The following ABCA5 variants were observed in gnomAD, a reference collection of about 807,000 sequenced individuals.
ABCA5 encodes cholesterol transporter ABCA5.
In ABCA5, 163 loss-of-function variants were observed where a neutral mutation model predicts 206.0. That is an observed-to-expected ratio of 0.79 (90% CI 0.70 to 0.90). ABCA5 has a LOEUF of 0.90. Ranked by LOEUF, ABCA5 falls within the 40% of genes least tolerant of loss-of-function variation. The pLI, the probability that ABCA5 is intolerant of heterozygous loss-of-function variation, is 0.00. For missense variants in ABCA5, 1,859 were observed against 1,912.9 expected (o/e 0.97, Z 0.53); for synonymous variants, 609 against 613.8 (o/e 0.99, Z 0.11).
Position 69,244,899 on chromosome 17 carries a change from TAA to T in ABCA5, c.*2636_*2637del, listed in dbSNP as rs1221285011. The T allele has an allele frequency of 3.4e-5, 5 of 148,384 alleles. No individual in the cohort carries two copies. Among genetic ancestry groups the T allele is most frequent in the Admixed American group, 2.0e-4 (3 of 14,830 alleles). The allele number at this position is 148,384 out of a possible 1,614,324, so 9.2% of individuals were successfully genotyped here. A position where few individuals can be genotyped will look rare whatever the true frequency, so the allele number is the denominator to read the frequency against. On this transcript the variant is annotated 3_prime_UTR_variant, in exon 39 of 39. Transcript: ENST00000392676. Reference sequence around the variant, plus strand: ...TTATATAAAATAATAGCTAGTTATATAAGTTATATAAGTAATATATTATATAT... The same window carrying T: ...TTATATAAAATAATAGCTAGTTATATGTTATATAAGTAATATATTATATAT...
intron 8 of ABCA5, among the ~76,000 whole-genome samples, 156 bp downstream of exon 8, chr17:69,302,562 T>C (rs1440205696): frequency 6.6e-6 from 1 of 152,150 alleles, no homozygotes; most frequent in Non-Finnish European, 1.5e-5. Flanking sequence ...TAAATAAAAC[T>C]AGATATAAAA....
chr17:69,293,948 A>G (rs192991792), intron 11 of ABCA5, among the ~76,000 whole-genome samples: 112 of 151,910 alleles, frequency 7.4e-4, no homozygotes, highest in African/African-American at 2.6e-3. Context: ...AATGCTAAAC[A>G]TTCTACATTA....
chr17:69,325,840 A>G (rs2075893653), intron 1 of ABCA5: 1 of 152,048 alleles, frequency 6.6e-6, no homozygotes, highest in Non-Finnish European at 1.5e-5. Context: ...AAGACATGCA[A>G]TACACATGGA....
intron 23 of ABCA5, among the ~76,000 whole-genome samples, chr17:69,267,029 C>G (rs576688232): frequency 1.2e-4 from 18 of 151,970 alleles, no homozygotes; most frequent in African/African-American, 3.9e-4. Context: ...CATGCACCAC[C>G]ACGCCCTAAT....
chr17:69,292,366 T>A (rs914534181), intron 11 of ABCA5, among the ~76,000 whole-genome samples: 5 of 152,214 alleles, frequency 3.3e-5, no homozygotes, highest in African/African-American at 1.2e-4. Context: ...AGCATATTTT[T>A]TGATGCTAAA....
intron 14 of ABCA5, among the ~76,000 whole-genome samples, chr17:69,288,650 C>A (rs1341099215): frequency 6.6e-6 from 1 of 151,014 alleles, no homozygotes; most frequent in Non-Finnish European, 1.5e-5. Context: ...GGGAGGATCG[C>A]TTGAGGCCAG....
chr17:69,282,960 C>T (rs1023211056), intron 18 of ABCA5, among the ~76,000 whole-genome samples: 1 of 149,342 alleles, frequency 6.7e-6, no homozygotes, highest in Non-Finnish European at 1.5e-5. Flanking sequence ...ACCAGTATAA[C>T]CCAAATATCT....
At chr17:69,312,846 T>C (rs984363777) in intron 3 of ABCA5, among the ~76,000 whole-genome samples, 1 of 152,184 alleles carries the variant, frequency 6.6e-6, no homozygotes, top group Non-Finnish European at 1.5e-5. Flanking sequence ...AACTATTTTA[T>C]AAATGGTCTA....
At chr17:69,320,163 G>C (rs2075851061) in intron 1 of ABCA5, among the ~76,000 whole-genome samples, 1 of 152,044 alleles carries the variant, frequency 6.6e-6, no homozygotes, top group African/African-American at 2.4e-5. Context: ...ATCCTTAAAA[G>C]AGTAATAGAG....
In ABCA5 at chr17:69,306,931, C is replaced by A. The variant is rs766441037; in HGVS notation, c.582G>T (p.Trp194Cys). 2.6e-6 allele frequency: 4 copies of A among 1,553,636 alleles called. No individual in the cohort carries two copies. The highest frequency in any genetic ancestry group is 2.5e-5 in the South Asian group (2 of 79,948). ...CAGCTTTAGTTGACTCCAGCTCCTT[C>A]CAAAGAGAAACATTGGTCTTCAACT... is the stretch of plus-strand genomic sequence containing the variant. ...IIQLKTNVSLWKELESTKAVI... is the reference protein window; with the variant it reads ...IIQLKTNVSLCKELESTKAVI... Residue 194 changes from tryptophan to cysteine, a missense_variant, in exon 6 of 39, where the codon TGG becomes TGT. Physicochemically the swap from Trp to Cys is radical, Grantham distance 215. Transcript: ENST00000392676.
rs9905223 is a variant in ABCA5 at position 69,279,570 on chromosome 17, G to A, written c.2393-1728C>T. 2.2e-3 allele frequency among the ~76,000 whole-genome samples: 340 copies of A among 151,810 alleles called. 3 individuals are homozygous for A. The highest frequency in any genetic ancestry group is 7.6e-3 in the African/African-American group (313 of 41,408). ...ATGGAACCAAAAAAGAGCCCGCATC[G>A]CCAAGTCAATCCTAAGCCAAAAGAA... is the stretch of plus-strand genomic sequence containing the variant. On this transcript the variant is annotated intron_variant, in intron 18 of 38. Transcript: ENST00000392676.
At chr17:69,247,682 TC>T in intron 38 of ABCA5, 38 bp from the exon 39 acceptor site, 12 of 1,250,768 alleles carry the variant, frequency 9.6e-6, no homozygotes, top group Non-Finnish European at 1.3e-5. Flanking sequence ...GTATGCTGTA[TC>T]TCAAGTACCT....
chr17:69,321,579 A>T (rs894495726), intron 1 of ABCA5, among the ~76,000 whole-genome samples: 2 of 152,206 alleles, frequency 1.3e-5, no homozygotes, highest in African/African-American at 4.8e-5. Flanking sequence ...GTTTAAGTTT[A>T]ATTGCCTCTA....
In ABCA5 at chr17:69,267,565, G is replaced by A. The variant is rs112224318; in HGVS notation, c.3144+378C>T. ...CTCTGTTAAAGGATAAAAGGGACGG[G>A]CATGTTAGTTTGCCAGTTAAGAACA... is the stretch of plus-strand genomic sequence containing the variant. On this transcript the variant is annotated intron_variant, in intron 23 of 38. Transcript: ENST00000392676. Among the ~76,000 whole-genome samples the A allele has an allele frequency of 3.6e-3, 542 of 152,166 alleles. 4 individuals are homozygous for A. The highest frequency in any genetic ancestry group is 0.013 in the African/African-American group (520 of 41,516).
intron 18 of ABCA5, among the ~76,000 whole-genome samples, chr17:69,281,257 G>A (rs1209636577): frequency 6.6e-6 from 1 of 151,178 alleles, no homozygotes; most frequent in East Asian, 1.9e-4. Flanking sequence ...TAACTTTTGG[G>A]CCAATACATG....
chr17:69,251,987 C>T, intron 34 of ABCA5, 121 bp from the exon 35 acceptor site: 3 of 1,008,040 alleles, frequency 3.0e-6, no homozygotes, highest in South Asian at 3.1e-5. Flanking sequence ...ATATCAATTG[C>T]TATGGCTATT....
intron 5 of ABCA5, 151 bp downstream of exon 5, chr17:69,308,129 T>C (rs2075736508): frequency 1.3e-5 from 2 of 155,332 alleles, no homozygotes; most frequent in African/African-American, 5.7e-5. Context: ...TCAGAAAATA[T>C]GACTTTTTTA....
Position 69,290,012 on chromosome 17 carries a change from T to A in ABCA5, c.1632A>T (p.Arg544Ser), listed in dbSNP as rs764757678. The change falls in exon 13 of 39, where the codon AGA (arginine) becomes AGT (serine). Residue 544 changes from arginine to serine, a missense_variant. Physicochemically the swap from Arg to Ser is moderately radical, Grantham distance 110 (BLOSUM62 -1). Transcript: ENST00000392676. ...SDGFASIYGHRVSEIDEMFEA... is the reference protein window; with the variant it reads ...SDGFASIYGHSVSEIDEMFEA... Reference sequence around the variant, plus strand: ...CAAACATTTCATCTATTTCTGAGACTCTGTGTCCATATATAGATGCAAACC... The same window carrying A: ...CAAACATTTCATCTATTTCTGAGACACTGTGTCCATATATAGATGCAAACC... The A allele has an allele frequency of 6.2e-7, 1 of 1,609,762 alleles. No individual in the cohort carries two copies. Among genetic ancestry groups the A allele is most frequent in the Non-Finnish European group, 8.5e-7 (1 of 1,178,396 alleles).
In ABCA5 at chr17:69,294,573, T is replaced by G; in HGVS notation, c.1495+82A>C. 18 of 1,212,990 alleles carry G rather than the reference T, an allele frequency of 1.5e-5. 2 individuals are homozygous for G. The South Asian group carries it at 2.0e-4, about 14-fold the overall frequency. 75.1% of individuals were successfully genotyped at this position (1,212,990 alleles called of 1,614,324 possible). A position where few individuals can be genotyped will look rare whatever the true frequency, so the allele number is the denominator to read the frequency against. On this transcript the variant is annotated intron_variant, in intron 11 of 38. Coordinates refer to ENST00000392676, the MANE Select transcript of ABCA5 (RefSeq NM_172232.4). ...AGACAGAAAATCATGGTAGAGAAGT[T>G]TAAATTTCCCACAAGCTATGCAAAT...
Sources: gnomAD v4.1 joint callset for allele counts (sites outside exome capture counted in the v4.1 genomes callset) on GRCh38, gnomAD v4.1.1 for gene constraint, MANE v1.5 for transcripts, NCBI Gene and HGNC (gene_info 2026-07-23, HGNC 2026-07-21) for gene names.